Variants in ATP11C observed in about 807,000 individuals in gnomAD.
ATP11C encodes the protein ATPase phospholipid transporting 11C (ATP11C blood group).
ATP11C carries 36 observed loss-of-function variants against 97.4 expected under a neutral mutation model. The observed-to-expected ratio is 0.37, with a 90% confidence interval of 0.28 to 0.49. The LOEUF (loss-of-function observed/expected upper bound fraction) is 0.49, where lower values mean the gene tolerates loss of function less well. Ranked by LOEUF, ATP11C falls within the 20% of genes least tolerant of loss-of-function variation. ATP11C has a pLI of 0.98. For missense variants in ATP11C, 730 were observed against 824.6 expected (o/e 0.89, Z 1.40); for synonymous variants, 275 against 290.9 (o/e 0.95, Z 0.56).
chrX:139,753,552 T>TAATC (rs2081868204), intron 23 of ATP11C, among the ~76,000 whole-genome samples: 1 of 111,937 alleles, frequency 8.9e-6, no homozygotes, highest in Non-Finnish European at 1.9e-5. Flanking sequence ...CTGAAGCCTG[T>TAATC]AATCCCAGCA....
At chrX:139,929,804 G>C (rs1447908139) in intron 1 of ATP11C, among the ~76,000 whole-genome samples, 2 of 111,732 alleles carry the variant, frequency 1.8e-5, no homozygotes, top group African/African-American at 6.5e-5. Flanking sequence ...AATTCAAATG[G>C]AAGTACCCCT....
In ATP11C at chrX:139,772,255, T is replaced by C. The variant is rs747311950; in HGVS notation, c.2216+2435A>G. Among the ~76,000 whole-genome samples, 356 of 112,273 alleles carry C rather than the reference T, an allele frequency of 3.2e-3. 3 individuals are homozygous for C. Among genetic ancestry groups the C allele is most frequent in the African/African-American group, 0.011 (333 of 30,893 alleles). ...GGGTACACAAAGTCAAGAACTGAGA[T>C]TTGGGAACCTCCACCTAGATTTCAG... On this transcript the variant is annotated intron_variant, in intron 19 of 29. Transcript: ENST00000682941.
At chrX:139,747,786 C>A (rs1157114574) in intron 24 of ATP11C, among the ~76,000 whole-genome samples, 1 of 111,571 alleles carries the variant, frequency 9.0e-6, no homozygotes, top group Non-Finnish European at 1.9e-5. Context: ...GCTTCATGTT[C>A]ACAAAAGAAC....
At chrX:139,761,287 T>C (rs1461945244) in intron 22 of ATP11C, among the ~76,000 whole-genome samples, 1 of 111,118 alleles carries the variant, frequency 9.0e-6, no homozygotes, top group African/African-American at 3.3e-5. Context: ...AATTTTTCTT[T>C]AAAAAAAGGT....
At chrX:139,884,881 A>G (rs990528803) in intron 1 of ATP11C, among the ~76,000 whole-genome samples, 3 of 112,023 alleles carry the variant, frequency 2.7e-5, no homozygotes, top group African/African-American at 9.7e-5. Context: ...ATAGTAATGG[A>G]CACCACTAAA....
rs1366579144 is a variant in ATP11C at position 139,834,991 on chromosome X, T to C, written c.28-8168A>G. Among the ~76,000 whole-genome samples, 3 of 112,403 alleles carry C rather than the reference T, an allele frequency of 2.7e-5. No homozygotes were observed. The East Asian group carries it at 8.3e-4, about 31-fold the overall frequency. ...CAGTGACATCACATTCTGTACAACA[T>C]GTTTTGGGCAATGCTACTGTAATAT... On this transcript the variant is annotated intron_variant, in intron 1 of 29. Transcript: ENST00000682941.
chrX:139,738,176 T>C, intron 27 of ATP11C, 107 bp from the exon 28 acceptor site: 1 of 560,790 alleles, frequency 1.8e-6, no homozygotes, highest in Non-Finnish European at 2.5e-6. Flanking sequence ...CTTCCTTACA[T>C]ACATTAATAA....
chrX:139,869,822 A>T (rs866525854), intron 1 of ATP11C, among the ~76,000 whole-genome samples: 8 of 96,422 alleles, frequency 8.3e-5, no homozygotes, highest in Non-Finnish European at 8.2e-5. Context: ...ATAATAATAT[A>T]ATATAATAAG....
intron 1 of ATP11C, among the ~76,000 whole-genome samples, chrX:139,902,263 A>G (rs909190714): frequency 3.6e-5 from 4 of 111,095 alleles, no homozygotes; most frequent in Non-Finnish European, 7.5e-5. Context: ...GGTCTCCCTA[A>G]AATGTGTAAA....
At chrX:139,816,447 C>G (rs1444379073) in intron 4 of ATP11C, among the ~76,000 whole-genome samples, 1 of 111,935 alleles carries the variant, frequency 8.9e-6, no homozygotes, top group African/African-American at 3.2e-5. Flanking sequence ...CCTACTACCC[C>G]CTGAAGCAGT....
At chrX:139,775,464 G>C (rs972638898) in intron 18 of ATP11C, among the ~76,000 whole-genome samples, 32 of 112,204 alleles carry the variant, frequency 2.9e-4, no homozygotes, top group African/African-American at 9.4e-4. Flanking sequence ...TCATAAAAAA[G>C]ATCAAAGTTA....
intron 23 of ATP11C, among the ~76,000 whole-genome samples, chrX:139,754,140 AGAT>A (rs1196928524): frequency 8.9e-6 from 1 of 111,815 alleles, no homozygotes; most frequent in Non-Finnish European, 1.9e-5. Context: ...ATGACAAAGC[AGAT>A]GATACTACAG....
intron 28 of ATP11C, among the ~76,000 whole-genome samples, chrX:139,731,957 G>A (rs377283654): frequency 9.0e-6 from 1 of 111,498 alleles, no homozygotes; most frequent in Non-Finnish European, 1.9e-5. Flanking sequence ...TCTCCAACTC[G>A]AATTGTTTTT....
chrX:139,791,269 G>C (rs190279938), intron 12 of ATP11C, among the ~76,000 whole-genome samples: 1 of 110,657 alleles, frequency 9.0e-6, no homozygotes, highest in African/African-American at 3.3e-5. Context: ...AAATTCTTTG[G>C]GGCTTTTTTC....
At chrX:139,786,755 G>A (rs1027423023) in intron 15 of ATP11C, among the ~76,000 whole-genome samples, 2 of 112,286 alleles carry the variant, frequency 1.8e-5, no homozygotes, top group African/African-American at 6.5e-5. Context: ...TGAACATTCC[G>A]AACCAAACAA....
At position 139,808,003 on chromosome X, in the gene ATP11C, A is replaced by G. The variant is rs907697022; in HGVS notation, c.427-3404T>C. Among the ~76,000 whole-genome samples the G allele has an allele frequency of 1.9e-4, 21 of 110,778 alleles. No homozygotes were observed. The Admixed American group carries it at 2.0e-3, about 11-fold the overall frequency. ...TTAAATGGTACGGTATTTAGTGGAA[A>G]AGGTAGACAACATGTAACAGTGAAC... On this transcript the variant is annotated intron_variant, in intron 5 of 29. Coordinates refer to ENST00000682941, the MANE Select transcript of ATP11C (RefSeq NM_001353812.2).
At chrX:139,896,619 GTCTC>G (rs202000678) in intron 1 of ATP11C, among the ~76,000 whole-genome samples, 10,334 of 90,692 alleles carry the variant, frequency 0.11, 671 homozygotes, top group African/African-American at 0.18. Context: ...TTGAGAAAGA[GTCTC>G]TCTCTCTCTC....
chrX:139,820,037 A>G (rs979735192), intron 2 of ATP11C, among the ~76,000 whole-genome samples: 1 of 111,310 alleles, frequency 9.0e-6, no homozygotes, highest in Non-Finnish European at 1.9e-5. Context: ...AATAACAAAA[A>G]TTAGCCGGGT....
intron 1 of ATP11C, among the ~76,000 whole-genome samples, chrX:139,835,073 A>C (rs2083726555): frequency 8.9e-6 from 1 of 112,236 alleles, no homozygotes; most frequent in Non-Finnish European, 1.9e-5. Context: ...GCTAGAGTCC[A>C]CTGGTAGAAA....
Sources: allele counts gnomAD v4.1 joint callset (sites outside exome capture counted in the v4.1 genomes callset), GRCh38; gene constraint gnomAD v4.1.1; transcripts MANE v1.5; gene names NCBI Gene and HGNC (gene_info 2026-07-23, HGNC 2026-07-21).